The following TBC1D1 variants were observed in gnomAD, a reference collection of about 807,000 sequenced individuals.
TBC1D1 encodes TBC1 (tre-2/USP6, BUB2, cdc16) domain family, member 1.
TBC1D1 carries 89 observed loss-of-function variants against 125.6 expected under a neutral mutation model. The ratio of observed to expected loss-of-function variants is 0.71; its 90% CI spans 0.60 to 0.85. TBC1D1 has a LOEUF of 0.85. Ranked by LOEUF, TBC1D1 falls within the 40% of genes least tolerant of loss-of-function variation. The probability of loss-of-function intolerance (pLI) is 0.00; values close to 1 mark genes in which losing one functional copy is unlikely to be tolerated. For synonymous variants in TBC1D1, 565 were observed against 564.1 expected (o/e 1.00, Z -0.02); for missense variants, 1,377 against 1,469.2 (o/e 0.94, Z 1.03).
At chr4:37,963,871 C>T (rs13109321) in intron 2 of TBC1D1, among the ~76,000 whole-genome samples, 16,807 of 152,140 alleles carry the variant, frequency 0.11, 1,685 homozygotes, top group East Asian at 0.43. Flanking sequence ...TGCTCTTTTT[C>T]CCCCCAATGG....
Position 38,031,732 on chromosome 4 carries a change from A to G in TBC1D1, c.1302+3853A>G, listed in dbSNP as rs185145082. 7.6e-4 allele frequency among the ~76,000 whole-genome samples: 115 copies of G among 152,306 alleles called. 3 individuals are homozygous for G. In the East Asian group the frequency reaches 0.018, roughly 24 times the overall value. The stretch of plus-strand genomic sequence containing the variant: ...AGTTGCGAACTCATGGGCTCAAGCA[A>G]TCGTCCTACCTCAGCTTCCCAAGTA... On this transcript the variant is annotated intron_variant, in intron 7 of 19. Coordinates refer to ENST00000261439, the MANE Select transcript of TBC1D1 (RefSeq NM_015173.4).
At chr4:38,064,751 G>C (rs1158639066) in intron 12 of TBC1D1, among the ~76,000 whole-genome samples, 1 of 151,330 alleles carries the variant, frequency 6.6e-6, no homozygotes, top group African/African-American at 2.4e-5. Context: ...AGCCTCCCAA[G>C]TAGCTGGGAC....
chr4:38,108,341 G>C (rs1468729047), intron 15 of TBC1D1, among the ~76,000 whole-genome samples: 1 of 152,240 alleles, frequency 6.6e-6, no homozygotes, highest in Admixed American at 6.5e-5. Context: ...TCCCATGATA[G>C]GAGGGCTTCA....
chr4:38,030,440 C>T (rs1388169647), intron 7 of TBC1D1: 2 of 152,248 alleles, frequency 1.3e-5, no homozygotes, highest in African/African-American at 4.8e-5. Flanking sequence ...CCGGCTCTCG[C>T]CTTGTCTTCC....
At chr4:38,021,792 T>A in intron 6 of TBC1D1, 74 bp downstream of exon 6, 2 of 1,377,990 alleles carry the variant, frequency 1.5e-6, no homozygotes, top group South Asian at 3.5e-5. Context: ...ATGATACTCA[T>A]CTGTTGGAAG....
At chr4:37,956,365 G>A (rs11735929) in intron 2 of TBC1D1, among the ~76,000 whole-genome samples, 96,020 of 151,990 alleles carry the variant, frequency 0.63, 31,155 homozygotes, top group East Asian at 0.96. Context: ...TGTTTCATTC[G>A]TTGTCTGACT....
chr4:37,942,231 G>A (rs1402295483), intron 2 of TBC1D1, among the ~76,000 whole-genome samples: 1 of 152,126 alleles, frequency 6.6e-6, no homozygotes, highest in Admixed American at 6.6e-5. Flanking sequence ...TATATATTTA[G>A]GATAGTTAGC....
chr4:38,020,685 A>G lies in TBC1D1; in HGVS notation c.1067A>G (p.Asn356Ser), dbSNP rs979157871. The G allele has an allele frequency of 7.4e-6, 12 of 1,611,924 alleles. No homozygotes were observed. The highest frequency in any genetic ancestry group is 5.0e-5 in the Admixed American group (3 of 59,936). Residue 356 changes from asparagine (N) to serine (S), a missense_variant, in exon 5 of 20, where the codon AAT (asparagine) becomes AGT (serine). This residue lies in a region of TBC1D1 where 822 missense variants were observed against 824.6 expected (regional missense o/e 1.00). Transcript: ENST00000261439. ...GTCTGTTACGTGTTTCAGTGCACAA[A>G]TGAGGCTCTGGTGAGAGAGGACAAG... is the stretch of plus-strand genomic sequence containing the variant.
chr4:38,023,725 T>G (rs546664608), intron 6 of TBC1D1, among the ~76,000 whole-genome samples: 1 of 152,354 alleles, frequency 6.6e-6, no homozygotes, highest in East Asian at 1.9e-4. Context: ...TCCGTGGACA[T>G]TTGGGTTCCT....
chr4:37,989,484 G>A (rs1736119010), intron 2 of TBC1D1, among the ~76,000 whole-genome samples: 1 of 152,132 alleles, frequency 6.6e-6, no homozygotes. Flanking sequence ...CCTTGAGCAC[G>A]TGTTCTCAGG....
At position 38,104,183 on chromosome 4, in the gene TBC1D1, A is replaced by AT. The variant is rs869060090; in HGVS notation, c.2557+1026_2557+1027insT. On this transcript the variant is annotated intron_variant, in intron 15 of 19. Transcript: ENST00000261439. ...TCAAAAAAAAAAAAAAAAAAAAAAA[A>AT]GTGTATGGGAGGATGTGTGTAGGTT... is the stretch of plus-strand genomic sequence containing the variant. Among the ~76,000 whole-genome samples the AT allele has an allele frequency of 3.2e-3, 452 of 142,040 alleles. 6 individuals carry two copies. The highest frequency in any genetic ancestry group is 0.012 in the African/African-American group (436 of 37,118). 93.2% of individuals were successfully genotyped at this position (142,040 alleles called of 152,430 possible).
At chr4:38,131,819 C>T (rs760386368) in intron 18 of TBC1D1, among the ~76,000 whole-genome samples, 1 of 152,216 alleles carries the variant, frequency 6.6e-6, no homozygotes, top group Non-Finnish European at 1.5e-5. Flanking sequence ...CTCTCTCTCC[C>T]TCTTACTCCC....
chr4:38,014,497 C>T lies in TBC1D1; in HGVS notation c.418-12C>T. 6.2e-7 allele frequency: 1 copy of T among 1,608,586 alleles called. No individual in the cohort carries two copies. Among genetic ancestry groups the T allele is most frequent in the Non-Finnish European group, 8.5e-7 (1 of 1,176,174 alleles). On this transcript the variant is annotated splice_polypyrimidine_tract_variant and intron_variant, in intron 2 of 19. Coordinates refer to ENST00000261439, the MANE Select transcript of TBC1D1 (RefSeq NM_015173.4). This position sits in a 1 kb window ranked among gnomAD's most constrained non-coding sequence, Gnocchi z 5.1. The stretch of plus-strand genomic sequence containing the variant: ...TGCATGTTCCAAATAACACGCCTCT[C>T]TCTCTCCTCAGGTGCCTGAGATCAT...
chr4:37,941,907 G>A (rs1054925369), intron 2 of TBC1D1, among the ~76,000 whole-genome samples: 3 of 152,172 alleles, frequency 2.0e-5, no homozygotes, highest in African/African-American at 4.8e-5. Context: ...TATAATTTCT[G>A]TTCTTTTACA....
rs75143662 is a variant in TBC1D1 at position 37,932,796 on chromosome 4, G to A, written c.417+30284G>A. On this transcript the variant is annotated intron_variant, in intron 2 of 19. Transcript: ENST00000261439. ...TCTGTGGCTGGGCGCGGTGCCTCAC[G>A]CCTATAATCCTAGCACTTTGGGAAG... 0.025 allele frequency among the ~76,000 whole-genome samples: 3,783 copies of A among 152,192 alleles called. 439 individuals are homozygous for A. In the East Asian group the frequency reaches 0.34, roughly 14 times the overall value.
At chr4:37,963,905 G>A (rs1730554192) in intron 2 of TBC1D1, among the ~76,000 whole-genome samples, 1 of 152,148 alleles carries the variant, frequency 6.6e-6, no homozygotes. Flanking sequence ...GGCATTTGGT[G>A]CCTGCTTAAA....
At chr4:37,911,841 A>C (rs1053885186) in intron 2 of TBC1D1, among the ~76,000 whole-genome samples, 4 of 152,182 alleles carry the variant, frequency 2.6e-5, no homozygotes, top group African/African-American at 7.2e-5. Flanking sequence ...AGGAAGAAAA[A>C]ATTTGGGAGA....
intron 2 of TBC1D1, among the ~76,000 whole-genome samples, chr4:38,004,254 T>G (rs534474550): frequency 6.6e-6 from 1 of 152,238 alleles, no homozygotes; most frequent in Non-Finnish European, 1.5e-5. Flanking sequence ...TTTTAGTTAC[T>G]GCTCCAGATC....
intron 2 of TBC1D1, among the ~76,000 whole-genome samples, chr4:37,984,290 T>C (rs764954271): frequency 1.3e-5 from 2 of 152,312 alleles, no homozygotes; most frequent in South Asian, 2.1e-4. Context: ...AGAAGTATGA[T>C]TGATAGATTG....
Sources: gnomAD v4.1 joint callset for allele counts (sites outside exome capture counted in the v4.1 genomes callset) on GRCh38, gnomAD v4.1.1 for gene constraint, gnomAD v4.1.1 regional missense constraint, Gnocchi (gnomAD v3.1) non-coding constraint, MANE v1.5 for transcripts, NCBI Gene and HGNC (gene_info 2026-07-23, HGNC 2026-07-21) for gene names.